Variants in THOC2 observed in about 807,000 individuals in gnomAD.
THOC2 encodes the protein THO complex 2.
THOC2 carries 10 observed loss-of-function variants against 128.4 expected under a neutral mutation model. That is an observed-to-expected ratio of 0.08 (90% CI 0.05 to 0.13). THOC2 has a LOEUF of 0.13. THOC2 is among the 10% of genes least tolerant of loss of function. THOC2 has a pLI of 1.00. For missense variants in THOC2, 535 were observed against 1,155.7 expected, an observed-to-expected ratio of 0.46 and a Z score of 7.79; for synonymous variants, 393 against 396.9, an observed-to-expected ratio of 0.99 and a Z score of 0.12.
At chrX:123,716,827 G>A (rs1276703023) in intron 1 of THOC2, among the ~76,000 whole-genome samples, 1 of 106,410 alleles carries the variant, frequency 9.4e-6, no homozygotes, top group African/African-American at 3.5e-5. Context: ...GGACCCAGGA[G>A]GTGGAGGCTG....
chrX:123,630,313 G>A (rs1031642745), intron 22 of THOC2, among the ~76,000 whole-genome samples: 3 of 111,229 alleles, frequency 2.7e-5, no homozygotes, highest in African/African-American at 9.8e-5. Flanking sequence ...CAAAAATCTC[G>A]TCTCAAGAAT....
intron 1 of THOC2, among the ~76,000 whole-genome samples, chrX:123,717,219 T>C (rs1335485416): frequency 9.0e-6 from 1 of 111,118 alleles, no homozygotes; most frequent in African/African-American, 3.3e-5. Context: ...AAATAATAAA[T>C]ATACTGTATC....
chrX:123,703,484 A>T lies in THOC2; in HGVS notation c.244T>A (p.Ser82Thr). The change falls in exon 4 of 39, where the codon TCC (serine) becomes ACC (threonine). Residue 82 changes from serine (S) to threonine (T), a missense_variant. Transcript: ENST00000245838. ...ATGCAGAATACATCAGCAAGAATGGAGGGCATATCCTCACGAAATTCCTAA... is the reference window on the plus strand; with the variant it reads ...ATGCAGAATACATCAGCAAGAATGGTGGGCATATCCTCACGAAATTCCTAA... ...DISEFREDMP[S>T]ILADVFCILD... 8.5e-7 allele frequency: 1 copy of T among 1,179,385 alleles called. No homozygotes were observed. Among genetic ancestry groups the T allele is most frequent in the Non-Finnish European group, 1.2e-6 (1 of 869,403 alleles).
intron 7 of THOC2, among the ~76,000 whole-genome samples, chrX:123,688,970 A>G (rs1287849039): frequency 8.9e-6 from 1 of 112,248 alleles, no homozygotes; most frequent in East Asian, 2.8e-4. Context: ...ACAGAAGACA[A>G]AAGAGACACT....
At chrX:123,625,792 G>C (rs747525125) in intron 25 of THOC2, 120 bp downstream of exon 25, 18 of 761,665 alleles carry the variant, frequency 2.4e-5, no homozygotes, top group Non-Finnish European at 3.3e-5. Context: ...TAGGATTCAA[G>C]TTCAGACACT....
intron 7 of THOC2, among the ~76,000 whole-genome samples, chrX:123,689,164 T>C (rs967675459): frequency 1.8e-5 from 2 of 112,441 alleles, no homozygotes; most frequent in Admixed American, 9.4e-5. Context: ...TATGTTTTAT[T>C]TAACAGCATT....
At position 123,644,291 on chromosome X, in the gene THOC2, G is replaced by GA. The variant is rs201845863; in HGVS notation, c.1661+283dup. Among the ~76,000 whole-genome samples, 379 of 111,501 alleles carry GA rather than the reference G, an allele frequency of 3.4e-3. 1 individual carries two copies. Among genetic ancestry groups the GA allele is most frequent in the African/African-American group, 0.012 (358 of 30,768 alleles). On this transcript the variant is annotated intron_variant, in intron 15 of 38. Coordinates refer to ENST00000245838, the MANE Select transcript of THOC2 (RefSeq NM_001081550.2). ...GGCCACAGCAGGCTGTCCTTAAAAA[G>GA]AAAAAACAAAACCTTCATCCCATAA... is the stretch of plus-strand genomic sequence containing the variant.
chrX:123,674,475 T>C (rs1193689527), intron 8 of THOC2, among the ~76,000 whole-genome samples: 1 of 112,160 alleles, frequency 8.9e-6, no homozygotes, highest in African/African-American at 3.2e-5. Flanking sequence ...GAGTTCCTTA[T>C]ACACAGTATG....
In THOC2 at chrX:123,645,690, G is replaced by A. The variant is rs567566939; in HGVS notation, c.1387-315C>T. Among the ~76,000 whole-genome samples, 786 of 112,323 alleles carry A rather than the reference G, an allele frequency of 7.0e-3. 6 individuals are homozygous for A. The highest frequency in any genetic ancestry group is 0.023 in the African/African-American group (722 of 30,993). On this transcript the variant is annotated intron_variant, in intron 12 of 38. Transcript: ENST00000245838. Reference sequence around the variant, plus strand: ...TAAAAGTGTAGCAAGGGCTGGGCGCGGTGCCTCACGCCTGTAATCCCAGCA... The same window carrying A: ...TAAAAGTGTAGCAAGGGCTGGGCGCAGTGCCTCACGCCTGTAATCCCAGCA...
At chrX:123,615,263 G>T (rs763573851) in intron 33 of THOC2, among the ~76,000 whole-genome samples, 1 of 111,022 alleles carries the variant, frequency 9.0e-6, no homozygotes, top group African/African-American at 3.2e-5. Flanking sequence ...GGTATTCAAA[G>T]GAATACATGA....
chrX:123,613,972 G>C (rs1361671018), intron 34 of THOC2, 80 bp downstream of exon 34: 6 of 965,113 alleles, frequency 6.2e-6, no homozygotes, highest in Non-Finnish European at 8.4e-6. Context: ...GAACAAACTA[G>C]TATTTTTTAA....
chrX:123,690,200 T>TTCTCCGGGA (rs1296507126), intron 7 of THOC2, among the ~76,000 whole-genome samples: 1 of 111,348 alleles, frequency 9.0e-6, no homozygotes, highest in Admixed American at 9.6e-5. Context: ...TGCCAGGTGC[T>TTCTCCGGGA]TGTGATTCTC....
intron 3 of THOC2, among the ~76,000 whole-genome samples, chrX:123,704,216 T>A (rs1340619590): frequency 1.8e-5 from 2 of 111,828 alleles, no homozygotes; most frequent in Admixed American, 1.9e-4. Flanking sequence ...AACTGTACAT[T>A]TTTCATCCAA....
At chrX:123,680,080 G>GT (rs2049695631) in intron 8 of THOC2, among the ~76,000 whole-genome samples, 1 of 111,510 alleles carries the variant, frequency 9.0e-6, no homozygotes, top group Non-Finnish European at 1.9e-5. Context: ...TCCGACACCC[G>GT]TAAAGGGTCT....
intron 7 of THOC2, among the ~76,000 whole-genome samples, chrX:123,689,934 C>T (rs1037313751): frequency 9.0e-6 from 1 of 110,603 alleles, no homozygotes; most frequent in Admixed American, 9.8e-5. Context: ...GATCACAAAC[C>T]TAGCTCCCTA....
chrX:123,619,935 A>T (rs1010970236), intron 32 of THOC2: 1 of 111,679 alleles, frequency 9.0e-6, no homozygotes, highest in Non-Finnish European at 1.9e-5. Context: ...CAAGAAAACA[A>T]AATATATAAG....
intron 3 of THOC2, among the ~76,000 whole-genome samples, chrX:123,705,797 G>A (rs1032151236): frequency 1.4e-4 from 15 of 111,012 alleles, no homozygotes; most frequent in African/African-American, 3.9e-4. Context: ...AGTAAGAGAA[G>A]TTCAGATTGA....
intron 7 of THOC2, among the ~76,000 whole-genome samples, chrX:123,693,174 T>A (rs1359146874): frequency 2.7e-5 from 3 of 112,450 alleles, no homozygotes; most frequent in South Asian, 7.3e-4. Flanking sequence ...AAAGTTTCAT[T>A]CAGGCCGTGT....
intron 7 of THOC2, 97 bp downstream of exon 7, chrX:123,695,924 T>A (rs1314865152): frequency 1.3e-5 from 7 of 554,238 alleles, no homozygotes; most frequent in Admixed American, 4.6e-5. Context: ...AAAAAAAAAA[T>A]AGATGGAATG....
Sources: allele counts gnomAD v4.1 joint callset (sites outside exome capture counted in the v4.1 genomes callset), GRCh38; gene constraint gnomAD v4.1.1; transcripts MANE v1.5; gene names NCBI Gene and HGNC (gene_info 2026-07-23, HGNC 2026-07-21).